Variants in TRAP1 observed in about 807,000 individuals in gnomAD.
The protein encoded by TRAP1 is heat shock protein 75 kDa, mitochondrial.
TRAP1 carries 102 observed loss-of-function variants against 89.1 expected under a neutral mutation model. That is an observed-to-expected ratio of 1.15 (90% CI 0.98 to 1.35). The LOEUF is 1.35. TRAP1 is among the 40% of genes most tolerant of loss of function. TRAP1 has a pLI of 0.00. For missense variants in TRAP1, 1,256 were observed against 945.3 expected (o/e 1.33, Z -4.31); for synonymous variants, 508 against 388.0 (o/e 1.31, Z -3.64).
At position 3,658,038 on chromosome 16, in the gene TRAP1, C is replaced by G. The variant is rs149669139; in HGVS notation, c.*91G>C. 6.2e-6 allele frequency: 10 copies of G among 1,607,684 alleles called. No individual in the cohort carries two copies. The highest frequency in any genetic ancestry group is 8.5e-6 in the Non-Finnish European group (10 of 1,176,168). On this transcript the variant is annotated 3_prime_UTR_variant, in exon 18 of 18. Transcript: ENST00000246957. ...CCAGAAAAAAAGCCCAACACACACTCGGGTTAAGAAATACCTTTAAATTTA... is the reference window on the plus strand; with the variant it reads ...CCAGAAAAAAAGCCCAACACACACTGGGGTTAAGAAATACCTTTAAATTTA...
intron 5 of TRAP1, among the ~76,000 whole-genome samples, chr16:3,679,489 G>A (rs1234150989): frequency 1.3e-5 from 2 of 152,140 alleles, no homozygotes; most frequent in Admixed American, 1.3e-4. Flanking sequence ...TGGAGCATCT[G>A]CAGACTTTGC....
chr16:3,710,246 G>A (rs1795624739), intron 1 of TRAP1: 1 of 152,216 alleles, frequency 6.6e-6, no homozygotes, highest in South Asian at 2.1e-4. Flanking sequence ...GGCCCCATAT[G>A]AAATCCATCT....
rs368786950 is a variant in TRAP1, at chr16:3,702,058, A to G, written c.89-11073T>C. ...CCCTGTCTCTACTAAAAATACAAAA[A>G]TTAGCTGGGTGTGGTGGCGTGCACC... On this transcript the variant is annotated intron_variant, in intron 1 of 17. Coordinates refer to ENST00000246957, the MANE Select transcript of TRAP1 (RefSeq NM_016292.3). Among the ~76,000 whole-genome samples the G allele has an allele frequency of 5.9e-5, 9 of 152,128 alleles. No homozygotes were observed. The East Asian group carries it at 1.7e-3, about 29-fold the overall frequency.
rs571721648 is a variant in TRAP1 at position 3,715,618 on chromosome 16, A to T, written c.88+1803T>A. On this transcript the variant is annotated intron_variant, in intron 1 of 17. Transcript: ENST00000246957. ...AATCTTAACCTCCAAGGGGGAAAAA[A>T]CCCGAGTCAGCTACAAAAGAAACGA... Among the ~76,000 whole-genome samples, 5 of 151,928 alleles carry T rather than the reference A, an allele frequency of 3.3e-5. No individual in the cohort carries two copies. The South Asian group carries it at 1.0e-3, about 32-fold the overall frequency.
At position 3,661,993 on chromosome 16, in the gene TRAP1, T is replaced by G. The variant is rs758506078; in HGVS notation, c.1934A>C (p.Asn645Thr). ...GCCAGGAGCGTGGCCTCACCTGGGG[T>G]TGATCTCCAGCGTGGGCTGCAGGAG... ...AQLLQPTLEI[N>T]PRHALIKKLN... The change falls in exon 16 of 18, where the codon AAC becomes ACC. Residue 645 changes from asparagine (N) to threonine (T), a missense_variant. Transcript: ENST00000246957. 1 of 1,605,990 alleles carries G rather than the reference T, an allele frequency of 6.2e-7. No homozygotes were observed. The highest frequency in any genetic ancestry group is 1.3e-5 in the African/African-American group (1 of 74,908).
chr16:3,699,928 G>T (rs1216714109), intron 1 of TRAP1, among the ~76,000 whole-genome samples: 1 of 150,964 alleles, frequency 6.6e-6, no homozygotes, highest in African/African-American at 2.4e-5. Context: ...TCCTACCTTA[G>T]CCTCCCAAAG....
chr16:3,677,540 G>A lies in TRAP1; in HGVS notation c.662C>T (p.Ser221Leu), dbSNP rs766297333. Residue 221 changes from serine to leucine, a missense_variant, in exon 6 of 18, where the codon TCG (serine) becomes TTG (leucine). Ser to Leu is a moderately radical substitution (Grantham distance 145). Coordinates refer to ENST00000246957, the MANE Select transcript of TRAP1 (RefSeq NM_016292.3). ...VADRVEVYSR[S>L]AAPGSLGYQW... is the part of the protein sequence containing the mutation. ...GTAACCCAGGCTCCCCGGGGCTGCC[G>A]AGCGGGAATAGACCTCCACTCTGTC... 20 of 1,614,004 alleles carry A rather than the reference G, an allele frequency of 1.2e-5. No individual in the cohort carries two copies. Among genetic ancestry groups the A allele is most frequent in the Admixed American group, 3.3e-5 (2 of 59,996 alleles).
chr16:3,702,179 T>C (rs761104956), intron 1 of TRAP1, among the ~76,000 whole-genome samples: 3 of 149,776 alleles, frequency 2.0e-5, no homozygotes, highest in Non-Finnish European at 4.4e-5. Flanking sequence ...CTGCTGTCGA[T>C]GTTGAGGTCA....
rs141209000 is a variant in TRAP1, at chr16:3,672,711, C to T, written c.1154G>A (p.Arg385His). Residue 385 changes from arginine to histidine, a missense_variant, in exon 10 of 18, where the codon CGC becomes CAC. By Grantham distance (29) the Arg-to-His change is conservative. Transcript: ENST00000246957. ...KATDILPKWL[R>H]FIRGVVDSED... ...TCTGAGCAGCGTACCTCGGATGAAG[C>T]GCAGCCACTTGGGCAGGATGTCCGT... 2.9e-5 allele frequency: 47 copies of T among 1,608,446 alleles called. 1 individual carries two copies. The East Asian group carries it at 3.1e-4, about 11-fold the overall frequency.
intron 5 of TRAP1, 39 bp from the exon 6 acceptor site, chr16:3,677,697 C>A (rs771569185): frequency 3.1e-6 from 5 of 1,598,458 alleles, no homozygotes; most frequent in Non-Finnish European, 4.3e-6. Context: ...AGCCTCCCCT[C>A]CAGAGAGCAG....
intron 2 of TRAP1, among the ~76,000 whole-genome samples, chr16:3,690,406 G>C (rs561138410): frequency 2.6e-5 from 4 of 152,112 alleles, no homozygotes; most frequent in Non-Finnish European, 4.4e-5. Context: ...TACTCTTGTC[G>C]ACCCACTTAA....
intron 1 of TRAP1, among the ~76,000 whole-genome samples, chr16:3,697,496 C>G (rs1484358520): frequency 6.6e-6 from 1 of 151,742 alleles, no homozygotes; most frequent in African/African-American, 2.4e-5. Flanking sequence ...AACCCCGTCT[C>G]TACTAAAAAT....
chr16:3,661,898 C>G, intron 16 of TRAP1, 89 bp downstream of exon 16: 1 of 1,465,630 alleles, frequency 6.8e-7, no homozygotes, highest in Non-Finnish European at 9.0e-7. Flanking sequence ...ACGCACTTTT[C>G]TTCTGTGTCA....
chr16:3,715,591 A>G (rs1047135880), intron 1 of TRAP1, among the ~76,000 whole-genome samples: 1 of 152,174 alleles, frequency 6.6e-6, no homozygotes, highest in Admixed American at 6.6e-5. Context: ...ACAAAGAGAA[A>G]AAATCTTAAC....
intron 1 of TRAP1, among the ~76,000 whole-genome samples, chr16:3,710,879 A>ATATTTTTTTTTT (rs71133652): frequency 2.4e-5 from 3 of 125,800 alleles, no homozygotes; most frequent in South Asian, 2.5e-4. Flanking sequence ...ATATATATAT[A>ATATTTTTTTTTT]TTTTTTTTTT....
chr16:3,676,160 G>C lies in TRAP1; in HGVS notation c.705-15C>G. 6.2e-7 allele frequency: 1 copy of C among 1,610,262 alleles called. No homozygotes were observed. Among genetic ancestry groups the C allele is most frequent in the Non-Finnish European group, 8.5e-7 (1 of 1,177,692 alleles). Reference sequence around the variant, plus strand: ...ACACTCCAGAACTAAGGCAGGCAAAGAAAGGAAAAGCCAGGTGGATGTGAC... The same window carrying C: ...ACACTCCAGAACTAAGGCAGGCAAACAAAGGAAAAGCCAGGTGGATGTGAC... On this transcript the variant is annotated splice_polypyrimidine_tract_variant and intron_variant, in intron 6 of 17. Coordinates refer to ENST00000246957, the MANE Select transcript of TRAP1 (RefSeq NM_016292.3).
At chr16:3,663,016 C>G in intron 14 of TRAP1, 49 bp from the exon 15 acceptor site, 1 of 1,476,084 alleles carries the variant, frequency 6.8e-7, no homozygotes, top group African/African-American at 1.4e-5. Flanking sequence ...CCCAACTCCC[C>G]GGCTTCCATG....
intron 4 of TRAP1, 136 bp downstream of exon 4, chr16:3,685,860 A>C: frequency 8.5e-7 from 1 of 1,181,340 alleles, no homozygotes; most frequent in Non-Finnish European, 1.2e-6. Flanking sequence ...CTACTGTAAC[A>C]CTAAATTATA....
At chr16:3,691,387 T>C (rs2051212361) in intron 1 of TRAP1, among the ~76,000 whole-genome samples, 3 of 152,140 alleles carry the variant, frequency 2.0e-5, no homozygotes, top group Admixed American at 2.0e-4. Context: ...CCCATAATTT[T>C]TTAAAAAATT....
Sources: allele counts gnomAD v4.1 joint callset (sites outside exome capture counted in the v4.1 genomes callset), GRCh38; gene constraint gnomAD v4.1.1; transcripts MANE v1.5; gene names NCBI Gene and HGNC (gene_info 2026-07-23, HGNC 2026-07-21).